The following WASL variants were observed in gnomAD, a reference collection of about 807,000 sequenced individuals.
The protein encoded by WASL is actin nucleation-promoting factor WASL.
WASL carries 20 observed loss-of-function variants against 55.5 expected under a neutral mutation model. That is an observed-to-expected ratio of 0.36 (90% CI 0.25 to 0.52). The LOEUF (loss-of-function observed/expected upper bound fraction) is 0.52. Among genes scored for constraint, WASL ranks in the 20% least tolerant of loss-of-function variants. The pLI is 0.92. For synonymous variants in WASL, 249 were observed against 217.6 expected, an observed-to-expected ratio of 1.14 and a Z score of -1.27; for missense variants, 504 against 622.5, an observed-to-expected ratio of 0.81 and a Z score of 2.03.
chr7:123,695,159 T>C (rs1196128537), intron 7 of WASL, among the ~76,000 whole-genome samples: 1 of 152,062 alleles, frequency 6.6e-6, no homozygotes, highest in Non-Finnish European at 1.5e-5. Context: ...TTGTCCTAAG[T>C]AAGTATGTAA....
chr7:123,719,992 C>G (rs1191092837), intron 1 of WASL, among the ~76,000 whole-genome samples: 1 of 152,112 alleles, frequency 6.6e-6, no homozygotes. Flanking sequence ...AATCTGTTCA[C>G]TTAGGTCTTC....
At chr7:123,723,287 G>A (rs1285395930) in intron 1 of WASL, among the ~76,000 whole-genome samples, 1 of 152,054 alleles carries the variant, frequency 6.6e-6, no homozygotes, top group Non-Finnish European at 1.5e-5. Context: ...TTTTCAGTAT[G>A]TTGGTCAATT....
intron 1 of WASL, among the ~76,000 whole-genome samples, chr7:123,741,430 C>T (rs1192106776): frequency 1.3e-5 from 2 of 152,206 alleles, no homozygotes; most frequent in South Asian, 2.1e-4. Context: ...GCTAGGTGAC[C>T]TATAAGAATT....
chr7:123,733,940 T>C (rs1379431954), intron 1 of WASL, among the ~76,000 whole-genome samples: 1 of 140,082 alleles, frequency 7.1e-6, no homozygotes, highest in Admixed American at 7.1e-5. Flanking sequence ...AAAAATCAAA[T>C]CCAGGCACTG....
rs1451948288 is a variant in WASL at position 123,706,329 on chromosome 7, T to C, written c.384A>G (p.Lys128=). Residue 128 remains lysine (K), a synonymous_variant, in exon 4 of 11, where the codon AAA becomes AAG. Transcript: ENST00000223023. ...ALNFANEEEA[K]KFRKAVTDLL... ...GGTCTGTAACTGCTTTTCGAAATTT[T>C]TTTGCTTCTTCTTCATTGGCAAAAT... 2 of 1,613,756 alleles carry C rather than the reference T, an allele frequency of 1.2e-6. No homozygotes were observed. Among genetic ancestry groups the C allele is most frequent in the Non-Finnish European group, 1.7e-6 (2 of 1,179,818 alleles).
At chr7:123,724,147 A>G (rs919963914) in intron 1 of WASL, among the ~76,000 whole-genome samples, 4 of 152,184 alleles carry the variant, frequency 2.6e-5, no homozygotes, top group African/African-American at 9.7e-5. Flanking sequence ...ACACAGATCA[A>G]TATTTGAAAA....
intron 1 of WASL, among the ~76,000 whole-genome samples, chr7:123,737,284 T>C (rs1455651600): frequency 1.3e-5 from 2 of 152,176 alleles, no homozygotes; most frequent in Admixed American, 6.5e-5. Context: ...ACGTACTCCT[T>C]GTAATTTAGT....
At chr7:123,703,887 G>C (rs1392062482) in intron 5 of WASL, among the ~76,000 whole-genome samples, 1 of 152,098 alleles carries the variant, frequency 6.6e-6, no homozygotes, top group Non-Finnish European at 1.5e-5. Context: ...CCTTCATAGA[G>C]TCAGGAACCT....
At chr7:123,722,286 T>C (rs756775463) in intron 1 of WASL, among the ~76,000 whole-genome samples, 1 of 152,130 alleles carries the variant, frequency 6.6e-6, no homozygotes, top group Non-Finnish European at 1.5e-5. Flanking sequence ...GAACAAGATA[T>C]GGAATTTATA....
intron 1 of WASL, among the ~76,000 whole-genome samples, chr7:123,716,999 A>T (rs1378513469): frequency 1.3e-5 from 2 of 152,146 alleles, no homozygotes; most frequent in East Asian, 3.9e-4. Flanking sequence ...ATTCATCCCA[A>T]TCCTAATTTG....
At chr7:123,698,628 A>G (rs973084362) in intron 5 of WASL, among the ~76,000 whole-genome samples, 2 of 152,170 alleles carry the variant, frequency 1.3e-5, no homozygotes, top group African/African-American at 4.8e-5. Flanking sequence ...TGATATGGAT[A>G]AGAAATAGTT....
intron 4 of WASL, among the ~76,000 whole-genome samples, chr7:123,705,167 G>T (rs1486878300): frequency 1.3e-5 from 2 of 152,186 alleles, no homozygotes; most frequent in South Asian, 4.1e-4. Context: ...GATCATGGTG[G>T]CCTGGATTAG....
At chr7:123,708,939 G>T in intron 2 of WASL, 150 bp downstream of exon 2, 2 of 664,424 alleles carry the variant, frequency 3.0e-6, no homozygotes, top group Non-Finnish European at 4.5e-6. Flanking sequence ...ATTTCCGTAT[G>T]CAATATCTAA....
intron 8 of WASL, 95 bp downstream of exon 8, chr7:123,694,619 AG>A (rs2116772385): frequency 3.1e-6 from 4 of 1,301,834 alleles, no homozygotes; most frequent in Non-Finnish European, 4.3e-6. Flanking sequence ...ATTCTGCTCA[AG>A]GAAGGGTTCA....
At chr7:123,688,937 A>C in intron 10 of WASL, 105 bp downstream of exon 10, 1 of 1,014,270 alleles carries the variant, frequency 9.9e-7, no homozygotes, top group Non-Finnish European at 1.5e-6. Flanking sequence ...GAAAGCTAGC[A>C]AAGACAGTCA....
chr7:123,682,940 T>TA lies in WASL; in HGVS notation c.*1578dup, dbSNP rs1803221865. On this transcript the variant is annotated 3_prime_UTR_variant, in exon 11 of 11. Coordinates refer to ENST00000223023, the MANE Select transcript of WASL (RefSeq NM_003941.4). ...AACTTAAGTATTTTACTGCACCACTTACTGCTTTCAGCAACAAAACCTTTT... is the reference window on the plus strand; with the variant it reads ...AACTTAAGTATTTTACTGCACCACTTAACTGCTTTCAGCAACAAAACCTTTT... The TA allele has an allele frequency of 2.6e-5, 4 of 152,296 alleles. No homozygotes were observed. The South Asian group carries it at 6.2e-4, about 24-fold the overall frequency. 9.4% of individuals were successfully genotyped at this position (152,296 alleles called of 1,614,324 possible). A position where few individuals can be genotyped will look rare whatever the true frequency, so the allele number is the denominator to read the frequency against.
chr7:123,705,493 A>C (rs374064372), intron 4 of WASL, among the ~76,000 whole-genome samples: 10 of 152,266 alleles, frequency 6.6e-5, no homozygotes, highest in African/African-American at 2.2e-4. Flanking sequence ...AAACTTTGAG[A>C]GTCATTGGCA....
At chr7:123,687,455 C>T (rs1237234518) in intron 10 of WASL, among the ~76,000 whole-genome samples, 1 of 152,138 alleles carries the variant, frequency 6.6e-6, no homozygotes, top group Non-Finnish European at 1.5e-5. Flanking sequence ...ACCTCACAGA[C>T]TTTATATTTT....
At chr7:123,713,466 C>G (rs1803791233) in intron 1 of WASL, among the ~76,000 whole-genome samples, 2 of 152,074 alleles carry the variant, frequency 1.3e-5, no homozygotes, top group South Asian at 4.2e-4. Flanking sequence ...TATATATTTT[C>G]AATAAATATC....
Sources: allele counts gnomAD v4.1 joint callset (sites outside exome capture counted in the v4.1 genomes callset), GRCh38; gene constraint gnomAD v4.1.1; transcripts MANE v1.5; gene names NCBI Gene and HGNC (gene_info 2026-07-23, HGNC 2026-07-21).